The following TOX2 variants were observed in gnomAD, a reference collection of about 807,000 sequenced individuals.
The protein encoded by TOX2 is TOX high mobility group box family member 2.
A neutral mutation model predicts 47.4 loss-of-function variants in TOX2; 15 were observed. The ratio of observed to expected loss-of-function variants is 0.32; its 90% CI spans 0.21 to 0.49. The LOEUF is 0.49. Ranked by LOEUF, TOX2 falls within the 20% of genes least tolerant of loss-of-function variation. The probability of loss-of-function intolerance (pLI) is 0.99; values close to 1 mark genes in which losing one functional copy is unlikely to be tolerated. For synonymous variants in TOX2, 290 were observed against 296.6 expected (o/e 0.98, Z 0.23); for missense variants, 622 against 673.1 (o/e 0.92, Z 0.84).
At chr20:44,034,662 CCT>C (rs937919842) in intron 3 of TOX2, among the ~76,000 whole-genome samples, 111 of 152,348 alleles carry the variant, frequency 7.3e-4, no homozygotes, top group African/African-American at 2.6e-3. Flanking sequence ...ACCATCCAGG[CCT>C]CTCTGCCAGG....
At chr20:44,048,075 CG>C (rs141235963) in intron 3 of TOX2, among the ~76,000 whole-genome samples, 3,145 of 151,772 alleles carry the variant, frequency 0.021, 45 homozygotes, top group Non-Finnish European at 0.031. Flanking sequence ...AAAAAGTAGC[CG>C]GGTGTGGTGA....
chr20:44,051,200 C>T, intron 3 of TOX2, 106 bp from the exon 4 acceptor site: 1 of 1,471,918 alleles, frequency 6.8e-7, no homozygotes, highest in Non-Finnish European at 9.1e-7. Flanking sequence ...GGAGCCGCAC[C>T]CATCACTTCT....
In TOX2 at chr20:44,006,650, C is replaced by G; in HGVS notation, c.269C>G (p.Ala90Gly). 6.2e-7 allele frequency: 1 copy of G among 1,614,114 alleles called. No homozygotes were observed. Among genetic ancestry groups the G allele is most frequent in the Non-Finnish European group, 8.5e-7 (1 of 1,180,028 alleles). ...PSLLHLGDHE[A>G]SYHSLCHGLT... is the part of the protein sequence containing the mutation. ...CTCCTGCACCTGGGGGACCACGAAG[C>G]CAGCTACCACTCGCTGTGCCACGGC... Residue 90 changes from alanine (A) to glycine (G), a missense_variant, in exon 3 of 9, where the codon GCC (alanine) becomes GGC (glycine). Ala to Gly is a moderately conservative substitution (Grantham distance 60). Coordinates refer to ENST00000341197, the MANE Select transcript of TOX2 (RefSeq NM_001098797.2).
At chr20:43,984,089 C>T (rs1006116952) in intron 2 of TOX2, among the ~76,000 whole-genome samples, 6 of 152,214 alleles carry the variant, frequency 3.9e-5, no homozygotes, top group Non-Finnish European at 8.8e-5. Flanking sequence ...AATTGTGTTT[C>T]ACCCGCTGTG....
intron 3 of TOX2, among the ~76,000 whole-genome samples, chr20:44,017,569 G>T (rs1395479051): frequency 6.6e-6 from 1 of 152,188 alleles, no homozygotes; most frequent in Non-Finnish European, 1.5e-5. Context: ...GCCTTTGGAG[G>T]TCAAGAACCA....
intron 2 of TOX2, among the ~76,000 whole-genome samples, chr20:43,996,382 C>T (rs2070480623): frequency 6.6e-6 from 1 of 152,152 alleles, no homozygotes. Flanking sequence ...TGAAATAAAA[C>T]ATTATTAACG....
intron 1 of TOX2, among the ~76,000 whole-genome samples, chr20:43,966,893 A>G (rs2069865594): frequency 6.6e-6 from 1 of 151,968 alleles, no homozygotes; most frequent in Non-Finnish European, 1.5e-5. Context: ...GGATCTGAGG[A>G]GTGAAGCGAT....
At chr20:43,960,186 T>C (rs929318491) in intron 1 of TOX2, among the ~76,000 whole-genome samples, 5 of 152,238 alleles carry the variant, frequency 3.3e-5, no homozygotes, top group Non-Finnish European at 5.9e-5. Flanking sequence ...CATGCATTCG[T>C]TCTAATGAGT....
chr20:43,925,115 A>T (rs1035469284), intron 1 of TOX2, among the ~76,000 whole-genome samples: 1 of 152,166 alleles, frequency 6.6e-6, no homozygotes, highest in Non-Finnish European at 1.5e-5. Context: ...TTCGATTTTT[A>T]AAAAAGTGGT....
intron 3 of TOX2, among the ~76,000 whole-genome samples, chr20:44,042,904 G>A (rs763766479): frequency 3.9e-5 from 6 of 152,178 alleles, no homozygotes; most frequent in African/African-American, 1.4e-4. Flanking sequence ...CAATAATGGC[G>A]TGTCCTGGCT....
chr20:43,919,604 A>G (rs140728399), intron 1 of TOX2, among the ~76,000 whole-genome samples: 3 of 152,278 alleles, frequency 2.0e-5, no homozygotes, highest in African/African-American at 7.2e-5. Flanking sequence ...TGCTACACCT[A>G]TGAACCCATC....
chr20:44,069,236 T>C lies in TOX2; in HGVS notation c.*550T>C. On this transcript the variant is annotated 3_prime_UTR_variant, in exon 9 of 9. Coordinates refer to ENST00000341197, the MANE Select transcript of TOX2 (RefSeq NM_001098797.2). ...TGTGGGGGAAAAAAGTAGTTTCCTT[T>C]AAGGTAAAAAGCATTTTATATGATC... 4.1e-6 allele frequency: 1 copy of C among 243,498 alleles called. No individual in the cohort carries two copies. The highest frequency in any genetic ancestry group is 4.8e-5 in the South Asian group (1 of 20,730). 15.1% of individuals were successfully genotyped at this position (243,498 alleles called of 1,614,324 possible). A position where few individuals can be genotyped will look rare whatever the true frequency, so the allele number is the denominator to read the frequency against.
intron 3 of TOX2, among the ~76,000 whole-genome samples, chr20:44,049,088 A>G (rs750455985): frequency 1.3e-5 from 2 of 152,266 alleles, no homozygotes; most frequent in Non-Finnish European, 2.9e-5. Flanking sequence ...AGCCTGCGCG[A>G]TGCAGCACAA....
At chr20:43,962,057 T>A (rs910040530) in intron 1 of TOX2, among the ~76,000 whole-genome samples, 1 of 152,210 alleles carries the variant, frequency 6.6e-6, no homozygotes, top group Non-Finnish European at 1.5e-5. Flanking sequence ...CGCTTGTCTG[T>A]TTGGAATGTG....
At chr20:43,931,611 G>T (rs777315478) in intron 1 of TOX2, among the ~76,000 whole-genome samples, 16 of 152,202 alleles carry the variant, frequency 1.1e-4, no homozygotes, top group Non-Finnish European at 2.2e-4. Flanking sequence ...ATGTCTGGGT[G>T]CTTGGACGTT....
intron 3 of TOX2, among the ~76,000 whole-genome samples, chr20:44,010,387 C>G (rs2070759302): frequency 6.6e-6 from 1 of 152,150 alleles, no homozygotes; most frequent in Non-Finnish European, 1.5e-5. Context: ...ATTCAGATAG[C>G]CTTAATTCTT....
chr20:44,059,218 T>C (rs985475015), intron 5 of TOX2, among the ~76,000 whole-genome samples: 3 of 152,112 alleles, frequency 2.0e-5, no homozygotes, highest in South Asian at 2.1e-4. Context: ...CTTAGAGAAA[T>C]GCAAAATACA....
intron 2 of TOX2, among the ~76,000 whole-genome samples, chr20:43,979,726 T>A (rs1569057850): frequency 1.3e-5 from 2 of 151,676 alleles, no homozygotes; most frequent in South Asian, 4.2e-4. Flanking sequence ...AAGATTTGAA[T>A]AGACATTTCT....
Position 44,066,711 on chromosome 20 carries a change from C to A in TOX2, c.1357-19C>A, listed in dbSNP as rs2071828766. 6.2e-7 allele frequency: 1 copy of A among 1,614,100 alleles called. No homozygotes were observed. Among genetic ancestry groups the A allele is most frequent in the Admixed American group, 1.7e-5 (1 of 60,026 alleles). On this transcript the variant is annotated intron_variant, in intron 7 of 8. Transcript: ENST00000341197. ...CTCATCTCTCCTTGGCTCATGGCCT[C>A]CTCCTTCCCACTCTGTAGGACTTCC...
Sources: gnomAD v4.1 joint callset for allele counts (sites outside exome capture counted in the v4.1 genomes callset) on GRCh38, gnomAD v4.1.1 for gene constraint, MANE v1.5 for transcripts, NCBI Gene and HGNC (gene_info 2026-07-23, HGNC 2026-07-21) for gene names.